The following SGSM2 variants were observed in gnomAD, a reference collection of about 807,000 sequenced individuals.
The protein encoded by SGSM2 is RUN and TBC1 domain containing 1.
SGSM2 carries 89 observed loss-of-function variants against 126.6 expected under a neutral mutation model. The ratio of observed to expected loss-of-function variants is 0.70; its 90% CI spans 0.59 to 0.84. The LOEUF (loss-of-function observed/expected upper bound fraction) is 0.84. SGSM2 is among the 40% of genes least tolerant of loss of function. The pLI, the probability that SGSM2 is intolerant of heterozygous loss-of-function variation, is 0.00. For synonymous variants in SGSM2, 614 were observed against 574.3 expected (o/e 1.07, Z -0.99); for missense variants, 1,404 against 1,416.6 (o/e 0.99, Z 0.14).
At position 2,373,071 on chromosome 17, in the gene SGSM2, A is replaced by G. The variant is rs765573577; in HGVS notation, c.1907A>G (p.Glu636Gly). Residue 636 changes from glutamate to glycine, a missense_variant, in exon 16 of 24, where the codon GAG becomes GGG. Transcript: ENST00000268989. ...TACAAGTTCGGCATGAGCAAGAAGGAGATGGAGCAGGTGAGGGGAGCCTGT... is the reference window on the plus strand; with the variant it reads ...TACAAGTTCGGCATGAGCAAGAAGGGGATGGAGCAGGTGAGGGGAGCCTGT... ...GHYKFGMSKKEMEQVDAVVAA... is the reference protein window; with the variant it reads ...GHYKFGMSKKGMEQVDAVVAA... 5.0e-6 allele frequency: 8 copies of G among 1,609,602 alleles called. No individual in the cohort carries two copies. The highest frequency in any genetic ancestry group is 6.8e-6 in the Non-Finnish European group (8 of 1,178,908).
At position 2,371,327 on chromosome 17, in the gene SGSM2, C is replaced by T. The variant is rs2065861238; in HGVS notation, c.1489C>T (p.Leu497=). The T allele has an allele frequency of 6.2e-7, 1 of 1,612,464 alleles. No homozygotes were observed. Among genetic ancestry groups the T allele is most frequent in the Non-Finnish European group, 8.5e-7 (1 of 1,179,832 alleles). The change falls in exon 13 of 24, where the codon CTG becomes TTG. Residue 497 remains leucine, a synonymous_variant. Transcript: ENST00000268989. ...PSLPAWHLEP[L]CSQGSSCLSC... is the part of the protein sequence containing the mutation. The stretch of plus-strand genomic sequence containing the variant: ...CCTGCCAGCCTGGCACCTGGAGCCC[C>T]TGTGCAGTCAGGGCTCCTCCTGCCT...
rs1030196956 is a variant in SGSM2, at chr17:2,364,250, T to C, written c.932+67T>C. 40 of 1,597,916 alleles carry C rather than the reference T, an allele frequency of 2.5e-5. No individual in the cohort carries two copies. In the Admixed American group the frequency reaches 5.2e-4, roughly 21 times the overall value. On this transcript the variant is annotated intron_variant, in intron 8 of 23. Coordinates refer to ENST00000268989, the MANE Select transcript of SGSM2 (RefSeq NM_014853.3). The stretch of plus-strand genomic sequence containing the variant: ...GTGGGTTTGACCTCAGGCAGAGGGA[T>C]GGAGAAACCCCGCTTGCTCCAGGAG...
chr17:2,370,310 A>G (rs762216274), intron 12 of SGSM2, among the ~76,000 whole-genome samples: 50 of 152,304 alleles, frequency 3.3e-4, no homozygotes, highest in Non-Finnish European at 5.1e-4. Flanking sequence ...TGGACCTGCC[A>G]GAGTCCCCCT....
At chr17:2,340,181 C>A (rs1290657596) in intron 1 of SGSM2, among the ~76,000 whole-genome samples, 3 of 151,076 alleles carry the variant, frequency 2.0e-5, no homozygotes, top group Non-Finnish European at 2.9e-5. Context: ...GTGGTGCGAT[C>A]TCAGCTCACT....
chr17:2,369,289 C>T (rs2065746150), intron 12 of SGSM2, among the ~76,000 whole-genome samples: 1 of 152,148 alleles, frequency 6.6e-6, no homozygotes, highest in East Asian at 1.9e-4. Context: ...AATTTCCTCT[C>T]CCTCCCTCTT....
Position 2,337,868 on chromosome 17 carries a change from G to C in SGSM2, c.57+123G>C. ...GCCGAACCTGGGCCGGGCGGGGCGGGTCCTGGACGGGCTGCGCCTCCTTCC... is the reference window on the plus strand; with the variant it reads ...GCCGAACCTGGGCCGGGCGGGGCGGCTCCTGGACGGGCTGCGCCTCCTTCC... On this transcript the variant is annotated intron_variant, in intron 1 of 23. Coordinates refer to ENST00000268989, the MANE Select transcript of SGSM2 (RefSeq NM_014853.3). This position sits in a 1 kb window ranked among gnomAD's most constrained non-coding sequence, Gnocchi z 5.1. 1.9e-6 allele frequency: 1 copy of C among 522,198 alleles called. No individual in the cohort carries two copies. The highest frequency in any genetic ancestry group is 2.1e-5 in the African/African-American group (1 of 48,750). 32.3% of individuals were successfully genotyped at this position (522,198 alleles called of 1,614,324 possible). A position where few individuals can be genotyped will look rare whatever the true frequency, so the allele number is the denominator to read the frequency against.
At chr17:2,347,717 C>G (rs55664109) in intron 2 of SGSM2, among the ~76,000 whole-genome samples, 16,787 of 151,536 alleles carry the variant, frequency 0.11, 1,465 homozygotes, top group East Asian at 0.45. Context: ...TCCAGGTATG[C>G]TCCTGCCTTG....
intron 12 of SGSM2, among the ~76,000 whole-genome samples, chr17:2,369,818 C>T (rs769077203): frequency 3.3e-5 from 5 of 152,306 alleles, no homozygotes; most frequent in Admixed American, 6.5e-5. Context: ...AGCTGGGCTC[C>T]TGCCCCACTG....
Position 2,372,247 on chromosome 17 carries a change from C to T in SGSM2, c.1635C>T (p.Phe545=), listed in dbSNP as rs766926759. 6 of 1,612,934 alleles carry T rather than the reference C, an allele frequency of 3.7e-6. No homozygotes were observed. Among genetic ancestry groups the T allele is most frequent in the Non-Finnish European group, 5.1e-6 (6 of 1,179,682 alleles). ...AGAGGCAGATCGTGTCCCGGGCCTTCTACGGCTGTGAGTGTGGGGCGCGCC... is the reference window on the plus strand; with the variant it reads ...AGAGGCAGATCGTGTCCCGGGCCTTTTACGGCTGTGAGTGTGGGGCGCGCC... The part of the protein sequence containing the change: ...SMKRQIVSRA[F]YGWLAHCRHL... The change falls in exon 14 of 24, where the codon TTC becomes TTT. Residue 545 remains phenylalanine, a synonymous_variant. Coordinates refer to ENST00000268989, the MANE Select transcript of SGSM2 (RefSeq NM_014853.3). The surrounding 1 kb of genome is among the most constrained non-coding windows in gnomAD (Gnocchi z 6.0).
chr17:2,358,720 C>T (rs1018254258), intron 2 of SGSM2, among the ~76,000 whole-genome samples: 2 of 145,820 alleles, frequency 1.4e-5, no homozygotes, highest in Admixed American at 1.4e-4. Flanking sequence ...TCAAAAAAAA[C>T]GGCTTCTTAA....
intron 9 of SGSM2, 32 bp from the exon 10 acceptor site, chr17:2,364,865 G>T (rs771930733): frequency 2.5e-6 from 4 of 1,599,640 alleles, no homozygotes; most frequent in Non-Finnish European, 3.4e-6. Context: ...CGACGAGAGG[G>T]CCTCAGCCGC....
rs972776797 is a variant in SGSM2, at chr17:2,363,268, C to T, written c.672+134C>T. On this transcript the variant is annotated intron_variant, in intron 6 of 23. Transcript: ENST00000268989. This position sits in a 1 kb window ranked among gnomAD's most constrained non-coding sequence, Gnocchi z 4.2. ...AGCGGCTGCCTCAGAAGAGCCTTCTCCGCACAATAAAACTTAACACAAATG... is the reference window on the plus strand; with the variant it reads ...AGCGGCTGCCTCAGAAGAGCCTTCTTCGCACAATAAAACTTAACACAAATG... 153 of 1,342,638 alleles carry T rather than the reference C, an allele frequency of 1.1e-4. No homozygotes were observed. Among genetic ancestry groups the T allele is most frequent in the Non-Finnish European group, 1.5e-4 (146 of 1,001,532 alleles). The allele number at this position is 1,342,638 out of a possible 1,614,324, so 83.2% of individuals were successfully genotyped here.
At chr17:2,340,758 G>C (rs925381813) in intron 1 of SGSM2, among the ~76,000 whole-genome samples, 5 of 151,658 alleles carry the variant, frequency 3.3e-5, no homozygotes, top group Non-Finnish European at 2.9e-5. Flanking sequence ...CTAATTTTTT[G>C]TATTTTTAGT....
Position 2,362,032 on chromosome 17 carries a change from A to T in SGSM2, c.297-77A>T. 6.6e-7 allele frequency: 1 copy of T among 1,520,334 alleles called. No individual in the cohort carries two copies. The highest frequency in any genetic ancestry group is 8.8e-7 in the Non-Finnish European group (1 of 1,131,632). 94.2% of individuals were successfully genotyped at this position (1,520,334 alleles called of 1,614,324 possible). A position where few individuals can be genotyped will look rare whatever the true frequency, so the allele number is the denominator to read the frequency against. The stretch of plus-strand genomic sequence containing the variant: ...TCTGTGCTCCCATCTTGGGGTACCA[A>T]GCCCCACTCCCAATGCCAGCATTCT... On this transcript the variant is annotated intron_variant, in intron 3 of 23. Transcript: ENST00000268989. This position sits in a 1 kb window ranked among gnomAD's most constrained non-coding sequence, Gnocchi z 4.9.
intron 11 of SGSM2, chr17:2,366,981 G>A (rs2065617727): frequency 5.4e-6 from 2 of 372,096 alleles, no homozygotes; most frequent in Non-Finnish European, 9.9e-6. Flanking sequence ...GCCCATCCCA[G>A]ACAGTCCCGG....
At position 2,379,070 on chromosome 17, in the gene SGSM2, G is replaced by C. The variant is rs2066306457; in HGVS notation, c.2934G>C (p.Glu978Asp). ...ATGAGGATGTGTTTGCTGTGTGGGA[G>C]GTGATCTGGGCAGCCAGGCACATCT... is the stretch of plus-strand genomic sequence containing the variant. Reference protein sequence around the residue: ...LLYEDVFAVWEVIWAARHISS... With the variant: ...LLYEDVFAVWDVIWAARHISS... The change falls in exon 23 of 24, where the codon GAG (glutamate) becomes GAC (aspartate). Residue 978 changes from glutamate (E) to aspartate (D), a missense_variant. Coordinates refer to ENST00000268989, the MANE Select transcript of SGSM2 (RefSeq NM_014853.3). The C allele has an allele frequency of 1.2e-6, 2 of 1,614,072 alleles. No homozygotes were observed. Among genetic ancestry groups the C allele is most frequent in the Non-Finnish European group, 1.7e-6 (2 of 1,180,036 alleles).
At chr17:2,350,990 C>T (rs186726320) in intron 2 of SGSM2, among the ~76,000 whole-genome samples, 6 of 152,244 alleles carry the variant, frequency 3.9e-5, no homozygotes, top group East Asian at 1.9e-4. Context: ...TGGTGGCTCA[C>T]GCCTGTAATC....
In SGSM2 at chr17:2,367,492, C is replaced by A; in HGVS notation, c.1423+87C>A. The A allele has an allele frequency of 6.8e-7, 1 of 1,463,000 alleles. No homozygotes were observed. The highest frequency in any genetic ancestry group is 9.3e-7 in the Non-Finnish European group (1 of 1,072,704). 90.6% of individuals were successfully genotyped at this position (1,463,000 alleles called of 1,614,324 possible). A position where few individuals can be genotyped will look rare whatever the true frequency, so the allele number is the denominator to read the frequency against. On this transcript the variant is annotated intron_variant, in intron 12 of 23. Transcript: ENST00000268989. The surrounding 1 kb of genome is among the most constrained non-coding windows in gnomAD (Gnocchi z 4.0). The stretch of plus-strand genomic sequence containing the variant: ...CCACCCACCACAGGGGTTCGAACGG[C>A]AGTGTTGGCATTAGGGGACTTGCAC...
intron 12 of SGSM2, 104 bp from the exon 13 acceptor site, chr17:2,371,158 G>A: frequency 7.7e-7 from 1 of 1,304,446 alleles, no homozygotes; most frequent in Non-Finnish European, 1.0e-6. Flanking sequence ...TCCACCCATG[G>A]GTGACTTGAT....
Sources: allele counts gnomAD v4.1 joint callset (sites outside exome capture counted in the v4.1 genomes callset), GRCh38; gene constraint gnomAD v4.1.1; non-coding constraint Gnocchi (gnomAD v3.1); transcripts MANE v1.5; gene names NCBI Gene and HGNC (gene_info 2026-07-23, HGNC 2026-07-21).